The following SPAG16 variants were observed in gnomAD, a reference collection of about 807,000 sequenced individuals.
The protein encoded by SPAG16 is sperm associated antigen 16.
SPAG16 carries 86 observed loss-of-function variants against 80.4 expected under a neutral mutation model. That is an observed-to-expected ratio of 1.07 (90% CI 0.90 to 1.28). SPAG16 has a LOEUF of 1.28. Among genes scored for constraint, SPAG16 ranks in the 50% most tolerant of loss-of-function variants. The probability of loss-of-function intolerance (pLI) is 0.00; values close to 1 mark genes in which losing one functional copy is unlikely to be tolerated. For missense variants in SPAG16, 870 were observed against 765.3 expected, an observed-to-expected ratio of 1.14 and a Z score of -1.61; for synonymous variants, 294 against 265.9, an observed-to-expected ratio of 1.11 and a Z score of -1.03.
At chr2:213,688,863 A>G (rs2064809847) in intron 10 of SPAG16, among the ~76,000 whole-genome samples, 1 of 152,122 alleles carries the variant, frequency 6.6e-6, no homozygotes, top group South Asian at 2.1e-4. Context: ...CTATCACCAG[A>G]CATTTTATTT....
chr2:213,344,599 A>C (rs1034658402), intron 6 of SPAG16, among the ~76,000 whole-genome samples: 6 of 152,100 alleles, frequency 3.9e-5, no homozygotes, highest in Admixed American at 6.6e-5. Flanking sequence ...CTCATTGTTC[A>C]GTTCCCACCT....
chr2:213,487,699 A>G (rs1322412615), intron 9 of SPAG16, among the ~76,000 whole-genome samples: 2 of 152,116 alleles, frequency 1.3e-5, no homozygotes, highest in African/African-American at 4.8e-5. Context: ...GTCGTATTAA[A>G]TACCTCTTTC....
intron 10 of SPAG16, among the ~76,000 whole-genome samples, chr2:213,724,438 T>A (rs1287116883): frequency 6.6e-6 from 1 of 151,962 alleles, no homozygotes; most frequent in Non-Finnish European, 1.5e-5. Context: ...ATGCTAAAAT[T>A]AAAATAAACC....
At chr2:213,911,199 G>A (rs1207043457) in intron 11 of SPAG16, among the ~76,000 whole-genome samples, 1 of 152,224 alleles carries the variant, frequency 6.6e-6, no homozygotes, top group Non-Finnish European at 1.5e-5. Flanking sequence ...AGGCTGGAAT[G>A]CAGTGGCACG....
chr2:214,284,173 A>G (rs888266497), intron 15 of SPAG16, among the ~76,000 whole-genome samples: 1 of 152,202 alleles, frequency 6.6e-6, no homozygotes, highest in African/African-American at 2.4e-5. Flanking sequence ...ATCCTCTGAA[A>G]GAGACTGCGT....
rs370739766 is a variant in SPAG16 at position 213,611,958 on chromosome 2, C to T, written c.1070+121868C>T. 4.5e-4 allele frequency among the ~76,000 whole-genome samples: 69 copies of T among 152,176 alleles called. 1 individual carries two copies. The South Asian group carries it at 0.014, about 30-fold the overall frequency. On this transcript the variant is annotated intron_variant, in intron 10 of 15. Transcript: ENST00000331683. ...CAATCAATATTTTTTATGGGTGGAA[C>T]TATGAAAACCAAGAATCAATAGTTG...
chr2:214,003,846 ACACAT>A (rs1193474169), intron 12 of SPAG16, among the ~76,000 whole-genome samples: 2 of 152,214 alleles, frequency 1.3e-5, no homozygotes, highest in South Asian at 2.1e-4. Context: ...TCTCTCTAAG[ACACAT>A]CACAGCCTTT....
chr2:214,126,648 A>G (rs1470124045), intron 14 of SPAG16, among the ~76,000 whole-genome samples: 5 of 151,774 alleles, frequency 3.3e-5, no homozygotes, highest in Non-Finnish European at 7.4e-5. Context: ...CACTATATTA[A>G]TCAATAATAA....
At chr2:214,018,426 A>C (rs1028134649) in intron 13 of SPAG16, among the ~76,000 whole-genome samples, 2 of 152,174 alleles carry the variant, frequency 1.3e-5, no homozygotes, top group Admixed American at 6.6e-5. Context: ...AAATAAATTT[A>C]CATTTTTAGT....
intron 10 of SPAG16, among the ~76,000 whole-genome samples, chr2:213,857,036 C>T (rs1390008414): frequency 6.6e-6 from 1 of 152,104 alleles, no homozygotes; most frequent in Non-Finnish European, 1.5e-5. Flanking sequence ...TAGAGACCAG[C>T]CTGGCCAACA....
At chr2:213,504,311 AT>A (rs1261859245) in intron 10 of SPAG16, among the ~76,000 whole-genome samples, 2 of 152,122 alleles carry the variant, frequency 1.3e-5, no homozygotes, top group African/African-American at 4.8e-5. Flanking sequence ...AGAGGGTGAT[AT>A]TTAAAACCTG....
At chr2:213,564,994 C>T (rs966714904) in intron 10 of SPAG16, among the ~76,000 whole-genome samples, 1 of 152,108 alleles carries the variant, frequency 6.6e-6, no homozygotes, top group African/African-American at 2.4e-5. Context: ...GAAAAACTTA[C>T]TGGTTGTTTT....
intron 15 of SPAG16, among the ~76,000 whole-genome samples, chr2:214,158,000 TCA>T (rs3043765): frequency 0.36 from 54,512 of 151,914 alleles, 12,197 homozygotes; most frequent in Non-Finnish European, 0.5. Flanking sequence ...CATGTCTCCA[TCA>T]GAAAAGGACA....
At chr2:214,354,285 G>A (rs1419236895) in intron 15 of SPAG16, among the ~76,000 whole-genome samples, 1 of 151,938 alleles carries the variant, frequency 6.6e-6, no homozygotes, top group Non-Finnish European at 1.5e-5. Flanking sequence ...TTTTTCTCAG[G>A]TTTGTCAAAG....
chr2:213,836,015 A>G (rs2074051012), intron 10 of SPAG16, among the ~76,000 whole-genome samples: 1 of 152,132 alleles, frequency 6.6e-6, no homozygotes, highest in Non-Finnish European at 1.5e-5. Flanking sequence ...GTTTCTTTAT[A>G]TGAGACAAAT....
intron 10 of SPAG16, among the ~76,000 whole-genome samples, chr2:213,564,229 A>G (rs962223815): frequency 2.0e-5 from 3 of 152,112 alleles, no homozygotes; most frequent in African/African-American, 7.2e-5. Context: ...TTGAACTAGT[A>G]ATTTAAAAAA....
intron 10 of SPAG16, among the ~76,000 whole-genome samples, chr2:213,625,854 A>AT (rs1482155384): frequency 2.6e-5 from 4 of 151,486 alleles, no homozygotes; most frequent in African/African-American, 7.3e-5. Context: ...CACCCAGCTA[A>AT]TTTTTTTGTA....
intron 10 of SPAG16, among the ~76,000 whole-genome samples, chr2:213,581,749 C>A (rs987609332): frequency 2.1e-4 from 32 of 152,138 alleles, no homozygotes; most frequent in Admixed American, 2.1e-3. Flanking sequence ...CTTAGAATGT[C>A]TGCCACTGTA....
Position 213,980,725 on chromosome 2 carries a change from T to TATATATATATAGAGAG in SPAG16, c.1401-33225_1401-33224insTATATATATAGAGAGA, listed in dbSNP as rs374274176. 1.9e-3 allele frequency among the ~76,000 whole-genome samples: 193 copies of TATATATATATAGAGAG among 103,976 alleles called. 11 individuals are homozygous for TATATATATATAGAGAG. Among genetic ancestry groups the TATATATATATAGAGAG allele is most frequent in the African/African-American group, 7.9e-3 (158 of 20,072 alleles). The allele number at this position is 103,976 out of a possible 152,430, so 68.2% of individuals were successfully genotyped here. A position where few individuals can be genotyped will look rare whatever the true frequency, so the allele number is the denominator to read the frequency against. The stretch of plus-strand genomic sequence containing the variant: ...GTGTGTGTGTGTGTATATATATATA[T>TATATATATATAGAGAG]AGAGAGAGAGAGAGAGAGAGAGAGA... On this transcript the variant is annotated intron_variant, in intron 12 of 15. Coordinates refer to ENST00000331683, the MANE Select transcript of SPAG16 (RefSeq NM_024532.5).
Sources: allele counts gnomAD v4.1 joint callset (sites outside exome capture counted in the v4.1 genomes callset), GRCh38; gene constraint gnomAD v4.1.1; transcripts MANE v1.5; gene names NCBI Gene and HGNC (gene_info 2026-07-23, HGNC 2026-07-21).